RETREG3: variants seen among roughly 807,000 people sequenced by gnomAD.
RETREG3 encodes reticulophagy regulator 3.
RETREG3 carries 23 observed loss-of-function variants against 50.2 expected under a neutral mutation model. The ratio of observed to expected loss-of-function variants is 0.46; its 90% CI spans 0.33 to 0.65. The LOEUF is 0.65. RETREG3 is among the 30% of genes least tolerant of loss of function. The probability of loss-of-function intolerance (pLI) is 0.02; values close to 1 mark genes in which losing one functional copy is unlikely to be tolerated. For synonymous variants in RETREG3, 240 were observed against 234.4 expected, an observed-to-expected ratio of 1.02 and a Z score of -0.22; for missense variants, 546 against 598.0, an observed-to-expected ratio of 0.91 and a Z score of 0.91.
In RETREG3 at chr17:42,582,286, A is replaced by T; in HGVS notation, c.944-16T>A. Reference sequence around the variant, plus strand: ...CCATCTAGGTCTGGTGGAATACAGAAGTGTCTGAGTCATGGCACCTACCTG... The same window carrying T: ...CCATCTAGGTCTGGTGGAATACAGATGTGTCTGAGTCATGGCACCTACCTG... On this transcript the variant is annotated splice_polypyrimidine_tract_variant and intron_variant, in intron 8 of 8. Coordinates refer to ENST00000309428, the MANE Select transcript of RETREG3 (RefSeq NM_178126.4). 1 of 1,588,500 alleles carries T rather than the reference A, an allele frequency of 6.3e-7. No individual in the cohort carries two copies. Among genetic ancestry groups the T allele is most frequent in the Non-Finnish European group, 8.5e-7 (1 of 1,171,776 alleles).
Position 42,583,598 on chromosome 17 carries a change from A to G in RETREG3, c.728-18T>C. The G allele has an allele frequency of 1.2e-6, 2 of 1,609,754 alleles. No individual in the cohort carries two copies. The highest frequency in any genetic ancestry group is 1.7e-6 in the Non-Finnish European group (2 of 1,177,184). On this transcript the variant is annotated intron_variant, in intron 6 of 8. Coordinates refer to ENST00000309428, the MANE Select transcript of RETREG3 (RefSeq NM_178126.4). ...GCGGCGTACTGTGGGAAGAGCACAA[A>G]GTCTTGCTTGATACCTTCTCCCAGC...
intron 7 of RETREG3, 41 bp downstream of exon 7, chr17:42,583,457 A>C: frequency 6.2e-7 from 1 of 1,600,626 alleles, no homozygotes; most frequent in East Asian, 2.2e-5. Context: ...AAGGTAGCTA[A>C]AGAAAACTGG....
chr17:42,600,630 AAAT>A (rs1442910361), intron 1 of RETREG3, among the ~76,000 whole-genome samples: 1 of 152,168 alleles, frequency 6.6e-6, no homozygotes, highest in Non-Finnish European at 1.5e-5. Context: ...GAATTGAAAA[AAAT>A]AATATTATGT....
Position 42,609,333 on chromosome 17 carries a change from G to C in RETREG3, c.-9C>G, listed in dbSNP as rs183152460. 3,298 of 1,593,722 alleles carry C rather than the reference G, an allele frequency of 2.1e-3. 1 individual carries two copies. Among genetic ancestry groups the C allele is most frequent in the Non-Finnish European group, 2.6e-3 (3,030 of 1,175,950 alleles). Reference sequence around the variant, plus strand: ...CCTTCGGCCTCAGCCATCTCCCCGCGGCAGCCACAACATCCGGGGCCGTGG... The same window carrying C: ...CCTTCGGCCTCAGCCATCTCCCCGCCGCAGCCACAACATCCGGGGCCGTGG... On this transcript the variant is annotated 5_prime_UTR_variant, in exon 1 of 9. Transcript: ENST00000309428.
At chr17:42,602,912 G>A (rs555328161) in intron 1 of RETREG3, among the ~76,000 whole-genome samples, 2 of 151,938 alleles carry the variant, frequency 1.3e-5, no homozygotes, top group Non-Finnish European at 2.9e-5. Flanking sequence ...CACTGCTCTC[G>A]AGCCTGGGCG....
chr17:42,592,741 C>T (rs973448416), intron 1 of RETREG3, among the ~76,000 whole-genome samples: 5 of 151,932 alleles, frequency 3.3e-5, no homozygotes, highest in Non-Finnish European at 7.4e-5. Flanking sequence ...CACCTGAGGT[C>T]GGGAGTTTGA....
intron 1 of RETREG3, among the ~76,000 whole-genome samples, chr17:42,603,086 G>T (rs1279481603): frequency 6.6e-6 from 1 of 151,718 alleles, no homozygotes; most frequent in Non-Finnish European, 1.5e-5. Flanking sequence ...CACTCTGTCA[G>T]GGACTAAAAT....
At chr17:42,601,999 C>T (rs1191958105) in intron 1 of RETREG3, among the ~76,000 whole-genome samples, 2 of 151,994 alleles carry the variant, frequency 1.3e-5, no homozygotes, top group Non-Finnish European at 1.5e-5. Context: ...GTTACTGGGT[C>T]AAAGGCATTA....
chr17:42,603,804 G>A (rs934863412), intron 1 of RETREG3, among the ~76,000 whole-genome samples: 1 of 151,916 alleles, frequency 6.6e-6, no homozygotes, highest in Non-Finnish European at 1.5e-5. Context: ...GGTGAAACCC[G>A]GTCTCTACTA....
intron 1 of RETREG3, among the ~76,000 whole-genome samples, chr17:42,606,525 C>T (rs1401628229): frequency 1.3e-5 from 2 of 151,462 alleles, no homozygotes; most frequent in Admixed American, 6.6e-5. Context: ...GGCGTGAACC[C>T]GGGAGGCAGA....
intron 1 of RETREG3, among the ~76,000 whole-genome samples, chr17:42,599,815 A>G (rs1288215892): frequency 1.3e-5 from 2 of 152,112 alleles, no homozygotes; most frequent in Non-Finnish European, 2.9e-5. Context: ...CAACATGGCG[A>G]AACCCCGTCT....
rs918507419 is a variant in RETREG3, at chr17:42,583,719, G to A, written c.728-139C>T. The A allele has an allele frequency of 4.1e-5, 27 of 663,998 alleles. 1 individual carries two copies. The highest frequency in any genetic ancestry group is 5.9e-5 in the Non-Finnish European group (25 of 424,820). 41.1% of individuals were successfully genotyped at this position (663,998 alleles called of 1,614,324 possible). On this transcript the variant is annotated intron_variant, in intron 6 of 8. Transcript: ENST00000309428. Reference sequence around the variant, plus strand: ...CTAAGCCTACATAATAATAACAGAAGGCTGAGCTGCTGAGCCTAAATGCAA... The same window carrying A: ...CTAAGCCTACATAATAATAACAGAAAGCTGAGCTGCTGAGCCTAAATGCAA...
chr17:42,600,148 C>T (rs8068548), intron 1 of RETREG3, among the ~76,000 whole-genome samples: 79,361 of 151,848 alleles, frequency 0.52, 20,842 homozygotes, highest in South Asian at 0.65. Context: ...TTTGGGAGGC[C>T]GAGGCAGGAG....
At chr17:42,602,312 G>A (rs914649749) in intron 1 of RETREG3, among the ~76,000 whole-genome samples, 6 of 105,872 alleles carry the variant, frequency 5.7e-5, no homozygotes, top group Admixed American at 3.7e-4. Context: ...GTAAGACTCC[G>A]TTTCAAAAAA....
intron 1 of RETREG3, among the ~76,000 whole-genome samples, chr17:42,604,615 A>G (rs892165961): frequency 1.4e-5 from 2 of 146,818 alleles, no homozygotes; most frequent in African/African-American, 5.1e-5. Flanking sequence ...GGCTGCAGTG[A>G]GCTATGATTG....
chr17:42,596,820 T>C (rs1254680737), intron 1 of RETREG3, among the ~76,000 whole-genome samples: 1 of 151,884 alleles, frequency 6.6e-6, no homozygotes, highest in Non-Finnish European at 1.5e-5. Flanking sequence ...CTTGGAGGGG[T>C]CAACTCTAGT....
chr17:42,589,384 A>C (rs1487405579), intron 2 of RETREG3, among the ~76,000 whole-genome samples: 1 of 151,914 alleles, frequency 6.6e-6, no homozygotes, highest in Non-Finnish European at 1.5e-5. Context: ...CCATTCTGCC[A>C]CTCTCTTAGC....
At chr17:42,597,027 A>G (rs1485499509) in intron 1 of RETREG3, among the ~76,000 whole-genome samples, 1 of 150,810 alleles carries the variant, frequency 6.6e-6, no homozygotes, top group Non-Finnish European at 1.5e-5. Flanking sequence ...TGCCCTCACC[A>G]TGCCCAGCTA....
intron 1 of RETREG3, among the ~76,000 whole-genome samples, chr17:42,603,317 A>G (rs2093161794): frequency 6.6e-6 from 1 of 152,194 alleles, no homozygotes; most frequent in Non-Finnish European, 1.5e-5. Context: ...ATTACAGATT[A>G]AGATTGTCTC....
Sources: allele counts gnomAD v4.1 joint callset (sites outside exome capture counted in the v4.1 genomes callset), GRCh38; gene constraint gnomAD v4.1.1; transcripts MANE v1.5; gene names NCBI Gene and HGNC (gene_info 2026-07-23, HGNC 2026-07-21).